NCOR1: variants seen among roughly 807,000 people sequenced by gnomAD.
NCOR1 encodes the protein protein phosphatase 1, regulatory subunit 109.
A neutral mutation model predicts 288.1 loss-of-function variants in NCOR1; 63 were observed. That is an observed-to-expected ratio of 0.22 (90% CI 0.18 to 0.27). NCOR1 has a LOEUF of 0.27. Among genes scored for constraint, NCOR1 ranks in the 10% least tolerant of loss-of-function variants. NCOR1 has a pLI of 1.00. For missense variants in NCOR1, 2,397 were observed against 3,019.2 expected (o/e 0.79, Z 4.83); for synonymous variants, 1,007 against 1,065.9 (o/e 0.94, Z 1.08).
intron 5 of NCOR1, among the ~76,000 whole-genome samples, chr17:16,162,980 G>T (rs2081174421): frequency 6.6e-6 from 1 of 151,776 alleles, no homozygotes; most frequent in African/African-American, 2.4e-5. Context: ...TAACCCCAGG[G>T]GGTTTTCATA....
chr17:16,207,697 C>T (rs2091678409), intron 1 of NCOR1, among the ~76,000 whole-genome samples: 1 of 147,826 alleles, frequency 6.8e-6, no homozygotes, highest in South Asian at 2.1e-4. Context: ...GCCGAGACCG[C>T]GCCACTGCAC....
intron 33 of NCOR1, among the ~76,000 whole-genome samples, chr17:16,065,243 A>C (rs2060986044): frequency 6.6e-6 from 1 of 152,252 alleles, no homozygotes; most frequent in Non-Finnish European, 1.5e-5. Flanking sequence ...TAAAGAGAGC[A>C]AATTTGTAAG....
chr17:16,189,765 A>G (rs2087702562), intron 2 of NCOR1, among the ~76,000 whole-genome samples: 1 of 152,218 alleles, frequency 6.6e-6, no homozygotes, highest in African/African-American at 2.4e-5. Context: ...AAAAAACAAG[A>G]ATAAAGTGAA....
chr17:16,124,146 A>T (rs1163931262), intron 15 of NCOR1, among the ~76,000 whole-genome samples: 1 of 152,228 alleles, frequency 6.6e-6, no homozygotes, highest in African/African-American at 2.4e-5. Context: ...GTCTCTTTTA[A>T]AACATGGCAA....
chr17:16,080,396 A>G lies in NCOR1; in HGVS notation c.3400+12T>C, dbSNP rs750777025. 1.9e-6 allele frequency: 3 copies of G among 1,596,124 alleles called. No individual in the cohort carries two copies. In the South Asian group the frequency reaches 3.4e-5, roughly 18 times the overall value. On this transcript the variant is annotated intron_variant, in intron 25 of 45. Transcript: ENST00000268712. ...CAAAAGTTTAACATTTCTGCCAACC[A>G]GCATATTTTACCTCTGACTACACCT...
intron 9 of NCOR1, among the ~76,000 whole-genome samples, chr17:16,148,223 GC>G (rs993587052): frequency 8.8e-4 from 134 of 152,174 alleles, no homozygotes; most frequent in African/African-American, 3.0e-3. Flanking sequence ...TCACCACACT[GC>G]CAGCTCAGTC....
intron 10 of NCOR1, among the ~76,000 whole-genome samples, chr17:16,144,052 A>C (rs1008167123): frequency 3.9e-5 from 6 of 152,228 alleles, no homozygotes; most frequent in African/African-American, 1.4e-4. Context: ...AAGGAGAGAA[A>C]AAACTCAACC....
chr17:16,072,312 T>C (rs1382869785), intron 28 of NCOR1, 84 bp from the exon 29 acceptor site: 1 of 1,042,370 alleles, frequency 9.6e-7, no homozygotes, highest in Non-Finnish European at 1.4e-6. Context: ...TTAAAGTCTA[T>C]GTTTTTGATA....
chr17:16,082,031 T>C (rs1399398405), intron 23 of NCOR1, among the ~76,000 whole-genome samples: 1 of 152,254 alleles, frequency 6.6e-6, no homozygotes, highest in Non-Finnish European at 1.5e-5. Context: ...AGGCTGATTT[T>C]ACTGATTTTA....
At chr17:16,039,204 C>G (rs1318464011) in intron 44 of NCOR1, 1 of 534,284 alleles carries the variant, frequency 1.9e-6, no homozygotes, top group Non-Finnish European at 3.4e-6. Flanking sequence ...AAATGGACAT[C>G]CCAGGAGGGT....
At chr17:16,118,174 T>C (rs187927923) in intron 17 of NCOR1, 147 bp from the exon 18 acceptor site, 74 of 797,750 alleles carry the variant, frequency 9.3e-5, no homozygotes, top group Middle Eastern at 7.2e-4. Flanking sequence ...ACTTTGATAC[T>C]TATAAAAATA....
intron 19 of NCOR1, among the ~76,000 whole-genome samples, chr17:16,106,854 C>CACATATATATATAT (rs1555652880): frequency 5.0e-4 from 23 of 46,154 alleles, no homozygotes; most frequent in African/African-American, 2.1e-3. Flanking sequence ...CTTGATCAGA[C>CACATATATATATAT]ATATATATAT....
At chr17:16,068,418 T>C (rs2061370539) in intron 31 of NCOR1, 1 of 297,312 alleles carries the variant, frequency 3.4e-6, no homozygotes, top group Admixed American at 4.9e-5. Context: ...TTAAATCTCA[T>C]TATGAATCAT....
chr17:16,181,640 A>C (rs2085509062), intron 3 of NCOR1, among the ~76,000 whole-genome samples: 1 of 151,172 alleles, frequency 6.6e-6, no homozygotes, highest in Admixed American at 6.7e-5. Flanking sequence ...GATGACAGAT[A>C]TGTTCACTGG....
intron 4 of NCOR1, among the ~76,000 whole-genome samples, chr17:16,171,534 T>C (rs1250685257): frequency 6.6e-6 from 1 of 152,178 alleles, no homozygotes; most frequent in Admixed American, 6.5e-5. Flanking sequence ...AGTAAAAAAA[T>C]GCTTGAGCAT....
chr17:16,065,787 A>T, intron 32 of NCOR1, 93 bp from the exon 33 acceptor site: 1 of 1,122,044 alleles, frequency 8.9e-7, no homozygotes, highest in Non-Finnish European at 1.3e-6. Context: ...GAAAAATCAC[A>T]TGCTGAGCTA....
At chr17:16,134,002 T>C (rs1043109890) in intron 14 of NCOR1, among the ~76,000 whole-genome samples, 3 of 152,224 alleles carry the variant, frequency 2.0e-5, no homozygotes, top group Non-Finnish European at 4.4e-5. Context: ...GTTTCTCTGC[T>C]TCTTCTCTTG....
intron 37 of NCOR1, among the ~76,000 whole-genome samples, chr17:16,060,070 C>T (rs2060380783): frequency 6.6e-6 from 1 of 152,202 alleles, no homozygotes; most frequent in Non-Finnish European, 1.5e-5. Context: ...ACCGTGTTCA[C>T]ATTGTTCTTG....
At chr17:16,149,422 A>T (rs1279771113) in intron 9 of NCOR1, 29 bp downstream of exon 9, 3 of 1,351,942 alleles carry the variant, frequency 2.2e-6, no homozygotes, top group Admixed American at 2.2e-5. Flanking sequence ...AAGCTGTATA[A>T]ATTTCAGTTA....
Sources: gnomAD v4.1 joint callset for allele counts (sites outside exome capture counted in the v4.1 genomes callset) on GRCh38, gnomAD v4.1.1 for gene constraint, MANE v1.5 for transcripts, NCBI Gene and HGNC (gene_info 2026-07-23, HGNC 2026-07-21) for gene names.